ZBTB20: variants seen among roughly 807,000 people sequenced by gnomAD.
The protein encoded by ZBTB20 is zinc finger and BTB domain-containing protein 20.
Under a neutral mutation model 56.9 loss-of-function variants are expected in ZBTB20, and 9 were observed. That is an observed-to-expected ratio of 0.16 (90% CI 0.10 to 0.28). The LOEUF (loss-of-function observed/expected upper bound fraction) is 0.28. ZBTB20 is among the 10% of genes least tolerant of loss of function. The pLI is 1.00. For synonymous variants in ZBTB20, 417 were observed against 420.7 expected (o/e 0.99, Z 0.11); for missense variants, 655 against 1,003.0 (o/e 0.65, Z 4.69).
chr3:114,568,479 G>A (rs1277101885), intron 6 of ZBTB20, among the ~76,000 whole-genome samples: 1 of 152,142 alleles, frequency 6.6e-6, no homozygotes, highest in Non-Finnish European at 1.5e-5. Flanking sequence ...GAGTAATTAT[G>A]AGATTTTGCA....
chr3:114,841,201 G>A (rs773715198), intron 4 of ZBTB20, among the ~76,000 whole-genome samples: 9 of 152,130 alleles, frequency 5.9e-5, no homozygotes, highest in South Asian at 2.1e-4. Flanking sequence ...TTAGGGAATC[G>A]GGGAAGGCAT....
chr3:114,700,058 CT>C (rs918550556), intron 5 of ZBTB20, among the ~76,000 whole-genome samples: 3 of 151,942 alleles, frequency 2.0e-5, no homozygotes, highest in South Asian at 2.1e-4. Flanking sequence ...CTATCTTATA[CT>C]TTTTTTTATC....
chr3:114,441,137 T>G (rs1433742384), intron 7 of ZBTB20, among the ~76,000 whole-genome samples: 1 of 152,178 alleles, frequency 6.6e-6, no homozygotes, highest in Non-Finnish European at 1.5e-5. Context: ...TTTCTCAATG[T>G]CATCTGGTAA....
intron 6 of ZBTB20, among the ~76,000 whole-genome samples, chr3:114,649,402 C>T (rs1335789509): frequency 1.3e-5 from 2 of 151,988 alleles, no homozygotes; most frequent in Non-Finnish European, 2.9e-5. Context: ...CTTCTGGGCT[C>T]ATTTAATAAA....
intron 2 of ZBTB20, among the ~76,000 whole-genome samples, chr3:114,998,214 C>T (rs1336708850): frequency 1.3e-5 from 2 of 151,582 alleles, no homozygotes; most frequent in Middle Eastern, 3.2e-3. Context: ...AGGAAGTTGA[C>T]CTAGTACAAT....
intron 2 of ZBTB20, among the ~76,000 whole-genome samples, chr3:115,041,970 A>T (rs768222868): frequency 4.6e-5 from 7 of 152,168 alleles, no homozygotes; most frequent in Non-Finnish European, 1.0e-4. Context: ...TCTAACAGAT[A>T]GGAGGTAACT....
chr3:114,794,021 C>T lies in ZBTB20; in HGVS notation c.-343+7080G>A, dbSNP rs78974334. ...GTGACCACACTAGCTTAGGCTATAA[C>T]TAAATGCAACAGATTTAAAAACACC... On this transcript the variant is annotated intron_variant, in intron 5 of 11. Coordinates refer to ENST00000675478, the MANE Select transcript of ZBTB20 (RefSeq NM_001348800.3). 4.0e-3 allele frequency among the ~76,000 whole-genome samples: 603 copies of T among 151,948 alleles called. 1 individual carries two copies. Among genetic ancestry groups the T allele is most frequent in the African/African-American group, 0.014 (575 of 41,460 alleles).
chr3:114,666,990 T>C (rs1356061892), intron 6 of ZBTB20, among the ~76,000 whole-genome samples: 1 of 152,058 alleles, frequency 6.6e-6, no homozygotes, highest in Non-Finnish European at 1.5e-5. Context: ...TTTGGTGATA[T>C]TCTAGATTAC....
chr3:114,960,180 T>A (rs1035807551), intron 3 of ZBTB20, among the ~76,000 whole-genome samples: 4 of 152,178 alleles, frequency 2.6e-5, no homozygotes, highest in African/African-American at 9.7e-5. Flanking sequence ...TCAAAAGGCT[T>A]TTGAGAAAGT....
chr3:114,461,565 T>C (rs2092332393), intron 7 of ZBTB20, among the ~76,000 whole-genome samples: 1 of 152,176 alleles, frequency 6.6e-6, no homozygotes, highest in African/African-American at 2.4e-5. Context: ...TTGGGCCTCC[T>C]AAAGTGCTGG....
intron 2 of ZBTB20, among the ~76,000 whole-genome samples, chr3:114,983,724 G>A (rs934604077): frequency 8.6e-5 from 13 of 151,890 alleles, no homozygotes; most frequent in Non-Finnish European, 4.4e-5. Flanking sequence ...TTACATTTAA[G>A]CCAAAATACA....
At chr3:114,384,845 T>C (rs2084894853) in intron 8 of ZBTB20, among the ~76,000 whole-genome samples, 1 of 152,260 alleles carries the variant, frequency 6.6e-6, no homozygotes, top group Non-Finnish European at 1.5e-5. Flanking sequence ...GTATTAAGCA[T>C]GTTAAATGCA....
chr3:114,461,775 C>T (rs2092341654), intron 7 of ZBTB20, among the ~76,000 whole-genome samples: 1 of 152,192 alleles, frequency 6.6e-6, no homozygotes, highest in African/African-American at 2.4e-5. Context: ...TCTAGACCTA[C>T]TGAATCAGAT....
intron 7 of ZBTB20, among the ~76,000 whole-genome samples, chr3:114,394,048 T>G (rs368290398): frequency 6.0e-4 from 91 of 152,280 alleles, no homozygotes; most frequent in African/African-American, 2.1e-3. Flanking sequence ...TCTAAAATTA[T>G]AGATGGGGGG....
At chr3:115,078,595 ATG>A (rs10662256) in intron 1 of ZBTB20, among the ~76,000 whole-genome samples, 2 of 130,608 alleles carry the variant, frequency 1.5e-5, no homozygotes, top group Non-Finnish European at 3.2e-5. Flanking sequence ...CAGTAAGAAT[ATG>A]TGTGTGTGTG....
chr3:114,454,466 C>A (rs1235041481), intron 7 of ZBTB20: 1 of 151,204 alleles, frequency 6.6e-6, no homozygotes, highest in East Asian at 2.0e-4. Flanking sequence ...GCCCCTCTTA[C>A]CCCCCAACAA....
intron 6 of ZBTB20, among the ~76,000 whole-genome samples, chr3:114,605,372 AAGATAATC>A (rs988297374): frequency 2.6e-5 from 4 of 152,198 alleles, no homozygotes; most frequent in African/African-American, 9.6e-5. Flanking sequence ...TTTTGGTAAA[AAGATAATC>A]AGTGAATTAC....
intron 6 of ZBTB20, chr3:114,520,041 G>T (rs1466997181): frequency 6.6e-6 from 1 of 151,820 alleles, no homozygotes; most frequent in East Asian, 1.9e-4. Flanking sequence ...ATCTCAGAGA[G>T]CAATAAAATT....
chr3:115,102,011 A>G (rs2083599950), intron 1 of ZBTB20, among the ~76,000 whole-genome samples: 1 of 152,258 alleles, frequency 6.6e-6, no homozygotes, highest in African/African-American at 2.4e-5. Flanking sequence ...GGTCATGTTT[A>G]GAATACAGAT....
Sources: gnomAD v4.1 joint callset for allele counts (sites outside exome capture counted in the v4.1 genomes callset) on GRCh38, gnomAD v4.1.1 for gene constraint, MANE v1.5 for transcripts, NCBI Gene and HGNC (gene_info 2026-07-23, HGNC 2026-07-21) for gene names.